Variants in FNDC3B observed in about 807,000 individuals in gnomAD.
FNDC3B encodes the protein fibronectin type III domain containing 3B.
Under a neutral mutation model 151.5 loss-of-function variants are expected in FNDC3B, and 12 were observed. That is an observed-to-expected ratio of 0.08 (90% CI 0.05 to 0.13). The LOEUF is 0.13. Among genes scored for constraint, FNDC3B ranks in the 10% least tolerant of loss-of-function variants. The pLI is 1.00. For missense variants in FNDC3B, 1,214 were observed against 1,505.3 expected, an observed-to-expected ratio of 0.81 and a Z score of 3.20; for synonymous variants, 528 against 549.0, an observed-to-expected ratio of 0.96 and a Z score of 0.54.
intron 7 of FNDC3B, among the ~76,000 whole-genome samples, chr3:172,292,964 G>A (rs1429370291): frequency 6.6e-6 from 1 of 152,170 alleles, no homozygotes; most frequent in African/African-American, 2.4e-5. Flanking sequence ...AAGAAGAGTG[G>A]TTGAATCTGA....
chr3:172,265,651 G>T (rs187681581), intron 6 of FNDC3B, among the ~76,000 whole-genome samples: 66 of 152,234 alleles, frequency 4.3e-4, no homozygotes, highest in Non-Finnish European at 8.1e-4. Context: ...TAGTAGTTTT[G>T]TTCCTGGAAA....
At chr3:172,312,120 A>C (rs1731532633) in intron 11 of FNDC3B, among the ~76,000 whole-genome samples, 1 of 152,216 alleles carries the variant, frequency 6.6e-6, no homozygotes, top group South Asian at 2.1e-4. Flanking sequence ...AAATATTTTA[A>C]CCAAATGTAA....
intron 3 of FNDC3B, among the ~76,000 whole-genome samples, chr3:172,191,529 C>T (rs1178260457): frequency 6.6e-6 from 1 of 152,078 alleles, no homozygotes; most frequent in Non-Finnish European, 1.5e-5. Context: ...TGAGGTCTCA[C>T]TCTGTCACCC....
intron 1 of FNDC3B, among the ~76,000 whole-genome samples, chr3:172,108,195 TG>T (rs1488900432): frequency 1.4e-5 from 2 of 148,008 alleles, no homozygotes; most frequent in African/African-American, 5.0e-5. Context: ...AAAGTAGAGG[TG>T]GGGTGATAAT....
chr3:172,201,326 T>C (rs1725142197), intron 3 of FNDC3B, among the ~76,000 whole-genome samples: 1 of 151,822 alleles, frequency 6.6e-6, no homozygotes, highest in Non-Finnish European at 1.5e-5. Context: ...GACCCTGGAG[T>C]GTCTGTGAGG....
At chr3:172,169,610 A>G (rs1352761642) in intron 3 of FNDC3B, among the ~76,000 whole-genome samples, 1 of 152,222 alleles carries the variant, frequency 6.6e-6, no homozygotes, top group African/African-American at 2.4e-5. Flanking sequence ...CCACGCCGGC[A>G]GAGAAACCTT....
intron 25 of FNDC3B, among the ~76,000 whole-genome samples, chr3:172,393,842 C>T (rs1468763473): frequency 6.6e-6 from 1 of 152,056 alleles, no homozygotes; most frequent in Admixed American, 6.6e-5. Context: ...GGCACAGTGG[C>T]TCACACCTGT....
chr3:172,066,316 T>G (rs1219726264), intron 1 of FNDC3B, among the ~76,000 whole-genome samples: 1 of 152,214 alleles, frequency 6.6e-6, no homozygotes, highest in East Asian at 1.9e-4. Flanking sequence ...TTAGAGCATC[T>G]TAAATTCCAC....
intron 6 of FNDC3B, among the ~76,000 whole-genome samples, chr3:172,262,865 T>C (rs979106499): frequency 7.8e-6 from 1 of 128,254 alleles, no homozygotes; most frequent in Non-Finnish European, 1.6e-5. Flanking sequence ...CCACTGCCCT[T>C]TCGCCTAGAT....
At chr3:172,363,028 C>T (rs762060972) in intron 23 of FNDC3B, among the ~76,000 whole-genome samples, 183 bp downstream of exon 23, 6 of 150,282 alleles carry the variant, frequency 4.0e-5, no homozygotes, top group Non-Finnish European at 1.5e-5. Flanking sequence ...TTTGGAATTT[C>T]TAAACATTCT....
In FNDC3B at chr3:172,226,859, C is replaced by G. The variant is rs765389545; in HGVS notation, c.188-12C>G. Reference sequence around the variant, plus strand: ...TTTCTTCAGCTATTAACATCTGACTCGTCTGTTTTAGGACCTGCTGAAGTT... The same window carrying G: ...TTTCTTCAGCTATTAACATCTGACTGGTCTGTTTTAGGACCTGCTGAAGTT... On this transcript the variant is annotated splice_polypyrimidine_tract_variant and intron_variant, in intron 3 of 25. Coordinates refer to ENST00000415807, the MANE Select transcript of FNDC3B (RefSeq NM_022763.4). 1.3e-6 allele frequency: 2 copies of G among 1,565,988 alleles called. No homozygotes were observed. Among genetic ancestry groups the G allele is most frequent in the Middle Eastern group, 1.7e-4 (1 of 5,978 alleles).
chr3:172,235,475 ATAG>A (rs1460616278), intron 4 of FNDC3B, among the ~76,000 whole-genome samples: 1 of 152,146 alleles, frequency 6.6e-6, no homozygotes, highest in Non-Finnish European at 1.5e-5. Flanking sequence ...TTGGTGAGTA[ATAG>A]TATGTTTGAA....
chr3:172,176,574 G>A (rs1348517720), intron 3 of FNDC3B, among the ~76,000 whole-genome samples: 2 of 152,184 alleles, frequency 1.3e-5, no homozygotes, highest in Admixed American at 6.5e-5. Flanking sequence ...CAATTACAGA[G>A]GATTAGGGAA....
At chr3:172,275,618 A>G (rs1451855950) in intron 6 of FNDC3B, among the ~76,000 whole-genome samples, 2 of 152,228 alleles carry the variant, frequency 1.3e-5, no homozygotes, top group African/African-American at 4.8e-5. Context: ...AAAGCTTGTA[A>G]TACCAGAGAG....
At chr3:172,284,098 G>A (rs1445902399) in intron 6 of FNDC3B, among the ~76,000 whole-genome samples, 4 of 152,130 alleles carry the variant, frequency 2.6e-5, no homozygotes, top group Non-Finnish European at 4.4e-5. Context: ...TATAGACTTT[G>A]TTCATTTATT....
At position 172,192,377 on chromosome 3, in the gene FNDC3B, G is replaced by C. The variant is rs557433803; in HGVS notation, c.188-34494G>C. 7.2e-5 allele frequency among the ~76,000 whole-genome samples: 11 copies of C among 151,982 alleles called. No homozygotes were observed. In the South Asian group the frequency reaches 2.1e-3, roughly 29 times the overall value. On this transcript the variant is annotated intron_variant, in intron 3 of 25. Transcript: ENST00000415807. Reference sequence around the variant, plus strand: ...TTATTTTGTGTTTTTAGTAGAGACAGGGTTTCACCGTGTTAGCCAGGATGG... The same window carrying C: ...TTATTTTGTGTTTTTAGTAGAGACACGGTTTCACCGTGTTAGCCAGGATGG...
intron 2 of FNDC3B, among the ~76,000 whole-genome samples, chr3:172,124,375 G>A (rs1720704577): frequency 6.6e-6 from 1 of 152,238 alleles, no homozygotes; most frequent in African/African-American, 2.4e-5. Flanking sequence ...TCGGGCGTGA[G>A]CCACCACGCC....
intron 9 of FNDC3B, among the ~76,000 whole-genome samples, chr3:172,301,319 A>G (rs1054570764): frequency 6.6e-6 from 1 of 152,250 alleles, no homozygotes; most frequent in Non-Finnish European, 1.5e-5. Context: ...TAGTTTGATC[A>G]TATCACTCAC....
chr3:172,057,264 C>G (rs956602929), intron 1 of FNDC3B, among the ~76,000 whole-genome samples: 1 of 152,176 alleles, frequency 6.6e-6, no homozygotes, highest in African/African-American at 2.4e-5. Flanking sequence ...CTCTGGGTCA[C>G]CACTGCAGAC....
Sources: allele counts gnomAD v4.1 joint callset (sites outside exome capture counted in the v4.1 genomes callset), GRCh38; gene constraint gnomAD v4.1.1; transcripts MANE v1.5; gene names NCBI Gene and HGNC (gene_info 2026-07-23, HGNC 2026-07-21).